RALB: variants seen among roughly 807,000 people sequenced by gnomAD.
RALB encodes the protein RAS like proto-oncogene B.
In RALB, 16 loss-of-function variants were observed where a neutral mutation model predicts 21.3. The ratio of observed to expected loss-of-function variants is 0.75; its 90% CI spans 0.51 to 1.14. The LOEUF (loss-of-function observed/expected upper bound fraction) is 1.14. Among genes scored for constraint, RALB ranks in the 50% most tolerant of loss-of-function variants. The pLI, the probability that RALB is intolerant of heterozygous loss-of-function variation, is 0.00. For synonymous variants in RALB, 93 were observed against 96.1 expected, an observed-to-expected ratio of 0.97 and a Z score of 0.19; for missense variants, 161 against 256.2, an observed-to-expected ratio of 0.63 and a Z score of 2.54.
At chr2:120,244,194 C>T (rs1688934957) in intron 1 of RALB, among the ~76,000 whole-genome samples, 2 of 152,226 alleles carry the variant, frequency 1.3e-5, no homozygotes, top group Non-Finnish European at 2.9e-5. Context: ...ATTCAATCAC[C>T]TCCTACCAGA....
intron 2 of RALB, among the ~76,000 whole-genome samples, chr2:120,283,608 C>G (rs957846150): frequency 6.6e-6 from 1 of 152,194 alleles, no homozygotes; most frequent in Non-Finnish European, 1.5e-5. Context: ...TCCTTATGCT[C>G]GGCCTAACAT....
chr2:120,284,065 A>T (rs1042235845), intron 2 of RALB, among the ~76,000 whole-genome samples: 1 of 152,208 alleles, frequency 6.6e-6, no homozygotes, highest in Non-Finnish European at 1.5e-5. Context: ...AGAGATTTTC[A>T]GGGGACAGTC....
At chr2:120,242,692 C>T (rs1215891011) in intron 1 of RALB, among the ~76,000 whole-genome samples, 1 of 152,110 alleles carries the variant, frequency 6.6e-6, no homozygotes, top group Non-Finnish European at 1.5e-5. Context: ...GAGCTGAGAT[C>T]GCACCACTGC....
In RALB at chr2:120,243,198, G is replaced by A. The variant is rs765442305; in HGVS notation, c.19+3073G>A. ...CTGCCAGGGCTTCTGATTTCAGCTG[G>A]GGCCCCTCATGCACTCAAAACAAGA... is the stretch of plus-strand genomic sequence containing the variant. On this transcript the variant is annotated intron_variant, in intron 1 of 3. Coordinates refer to the RALB transcript ENST00000447591. Among the ~76,000 whole-genome samples, 69 of 152,188 alleles carry A rather than the reference G, an allele frequency of 4.5e-4. 1 individual carries two copies. The highest frequency in any genetic ancestry group is 3.7e-4 in the Non-Finnish European group (25 of 68,034).
intron 1 of RALB, among the ~76,000 whole-genome samples, chr2:120,242,885 G>A (rs895105931): frequency 2.6e-5 from 4 of 152,276 alleles, no homozygotes; most frequent in Admixed American, 2.6e-4. Context: ...AGACTAGCCT[G>A]GGCAACACAG....
At chr2:120,291,989 T>TG (rs1257077425) in intron 4 of RALB, among the ~76,000 whole-genome samples, 10 of 152,340 alleles carry the variant, frequency 6.6e-5, no homozygotes, top group African/African-American at 2.4e-4. Flanking sequence ...GTCCCACACT[T>TG]GCAGTCTCTG....
rs1690372790 is a variant in RALB, at chr2:120,294,321, T to G, written c.*1061T>G. 2.5e-6 allele frequency: 1 copy of G among 398,742 alleles called. No homozygotes were observed. Among genetic ancestry groups the G allele is most frequent in the African/African-American group, 2.1e-5 (1 of 48,642 alleles). The allele number at this position is 398,742 out of a possible 1,614,324, so 24.7% of individuals were successfully genotyped here. A position where few individuals can be genotyped will look rare whatever the true frequency, so the allele number is the denominator to read the frequency against. ...ATTTAAAATTAGAAGTAGAGAGAGA[T>G]AAGCCATCGCCCCTTTGCCTCTGAG... On this transcript the variant is annotated 3_prime_UTR_variant, in exon 5 of 5. Coordinates refer to ENST00000272519, the MANE Select transcript of RALB (RefSeq NM_002881.3).
chr2:120,246,824 C>T (rs1425916540), intron 1 of RALB, among the ~76,000 whole-genome samples: 4 of 152,066 alleles, frequency 2.6e-5, no homozygotes, highest in Non-Finnish European at 5.9e-5. Context: ...AGTGCAGTCC[C>T]CGCTGCGTCT....
At chr2:120,240,163 C>T (rs1215815167) in intron 1 of RALB, 17 of 1,289,282 alleles carry the variant, frequency 1.3e-5, no homozygotes, top group Non-Finnish European at 1.7e-5. Flanking sequence ...CACTTCGAAG[C>T]CCCACAGTGA....
At chr2:120,242,886 G>A (rs1175047304) in intron 1 of RALB, among the ~76,000 whole-genome samples, 1 of 152,046 alleles carries the variant, frequency 6.6e-6, no homozygotes, top group African/African-American at 2.4e-5. Flanking sequence ...GACTAGCCTG[G>A]GCAACACAGC....
chr2:120,272,939 G>C (rs181650407), intron 1 of RALB, among the ~76,000 whole-genome samples: 137 of 152,306 alleles, frequency 9.0e-4, no homozygotes, highest in Non-Finnish European at 1.5e-3. Context: ...CAAAGACTGT[G>C]TTCTGGAATG....
At chr2:120,271,404 C>G (rs1340435563) in intron 1 of RALB, among the ~76,000 whole-genome samples, 1 of 152,206 alleles carries the variant, frequency 6.6e-6, no homozygotes, top group African/African-American at 2.4e-5. Flanking sequence ...GACAAGTCAT[C>G]TAAGTGGACA....
At chr2:120,267,520 G>A (rs183911152) in intron 1 of RALB, among the ~76,000 whole-genome samples, 1 of 152,144 alleles carries the variant, frequency 6.6e-6, no homozygotes, top group African/African-American at 2.4e-5. Flanking sequence ...TCAGGCCAGG[G>A]TCTGGGTATG....
intron 1 of RALB, among the ~76,000 whole-genome samples, chr2:120,265,185 A>G (rs959058160): frequency 2.0e-5 from 3 of 152,244 alleles, no homozygotes; most frequent in East Asian, 1.9e-4. Context: ...ACGTCGGGGT[A>G]TACTTACACA....
chr2:120,261,725 T>C (rs1230351743), intron 1 of RALB, among the ~76,000 whole-genome samples: 2 of 152,140 alleles, frequency 1.3e-5, no homozygotes, highest in African/African-American at 4.8e-5. Context: ...GCTTTTCTCA[T>C]GTCAGGCTTT....
In RALB at chr2:120,278,681, G is replaced by T. The variant is rs753362144; in HGVS notation, c.17G>T (p.Ser6Ile). 6.3e-7 allele frequency: 1 copy of T among 1,598,414 alleles called. No individual in the cohort carries two copies. The highest frequency in any genetic ancestry group is 1.1e-5 in the South Asian group (1 of 88,680). The change falls in exon 2 of 5, where the codon AGT becomes ATT. Residue 6 changes from serine (S) to isoleucine (I), a missense_variant. Transcript: ENST00000272519. The stretch of plus-strand genomic sequence containing the variant: ...ACCAGCGAGATGGCTGCCAACAAGA[G>T]TAAGGGCCAGAGCTCCTTGGCCCTC... MAANK[S>I]KGQSSLALHK...
chr2:120,250,812 G>A (rs144619391), upstream of RALB, among the ~76,000 whole-genome samples: 1,703 of 152,218 alleles, frequency 0.011, 33 homozygotes, highest in African/African-American at 0.039. Flanking sequence ...GTTGGGACAC[G>A]TTTCCCCTAT....
At chr2:120,261,384 G>GGGC (rs1183674889) in intron 1 of RALB, among the ~76,000 whole-genome samples, 3 of 152,142 alleles carry the variant, frequency 2.0e-5, no homozygotes, top group Non-Finnish European at 4.4e-5. Flanking sequence ...AGGAGAAGAA[G>GGGC]GGCGTGGAAG....
intron 1 of RALB, among the ~76,000 whole-genome samples, chr2:120,260,507 T>C (rs1689336196): frequency 1.3e-5 from 2 of 152,336 alleles, no homozygotes; most frequent in South Asian, 4.1e-4. Flanking sequence ...TCGTAAGTTG[T>C]CTGTACAGCC....
Sources: allele counts gnomAD v4.1 joint callset (sites outside exome capture counted in the v4.1 genomes callset), GRCh38; gene constraint gnomAD v4.1.1; transcripts MANE v1.5; gene names NCBI Gene and HGNC (gene_info 2026-07-23, HGNC 2026-07-21).